Variants in YWHAE observed in about 807,000 individuals in gnomAD.
YWHAE encodes the protein tyrosine 3-monooxygenase/tryptophan 5-monooxygenase activation protein epsilon.
In YWHAE, 4 loss-of-function variants were observed where a neutral mutation model predicts 30.1. That is an observed-to-expected ratio of 0.13 (90% CI 0.07 to 0.30). The LOEUF (loss-of-function observed/expected upper bound fraction) is 0.30, where lower values mean the gene tolerates loss of function less well. Ranked by LOEUF, YWHAE falls within the 10% of genes least tolerant of loss-of-function variation. The pLI, the probability that YWHAE is intolerant of heterozygous loss-of-function variation, is 1.00. For missense variants in YWHAE, 121 were observed against 315.9 expected (o/e 0.38, Z 4.68); for synonymous variants, 118 against 111.8 (o/e 1.06, Z -0.35).
chr17:1,369,425 C>T (rs1052681924), intron 1 of YWHAE, among the ~76,000 whole-genome samples: 6 of 152,126 alleles, frequency 3.9e-5, no homozygotes, highest in Middle Eastern at 3.2e-3. Context: ...ACCCGGGAGG[C>T]GGAGGTTGCA....
At chr17:1,381,910 CAAAAAAAAAAAAA>C (rs397754278) in intron 1 of YWHAE, among the ~76,000 whole-genome samples, 1 of 43,928 alleles carries the variant, frequency 2.3e-5, no homozygotes, top group Non-Finnish European at 4.9e-5. Context: ...GACACTATGT[CAAAAAAAAAAAAA>C]AAAAAAAAAA....
At chr17:1,362,049 G>A in intron 2 of YWHAE, 41 bp from the exon 3 acceptor site, 4 of 1,237,290 alleles carry the variant, frequency 3.2e-6, no homozygotes, top group Non-Finnish European at 4.4e-6. Flanking sequence ...ATTAAGTCTA[G>A]AAATTCTACA....
intron 5 of YWHAE, among the ~76,000 whole-genome samples, chr17:1,348,819 T>C (rs980144069): frequency 1.3e-5 from 2 of 151,802 alleles, no homozygotes; most frequent in African/African-American, 4.8e-5. Context: ...GTTAGGAGAT[T>C]GAGACCATCC....
At chr17:1,350,341 CA>C (rs1316417469) in intron 5 of YWHAE, among the ~76,000 whole-genome samples, 1 of 152,172 alleles carries the variant, frequency 6.6e-6, no homozygotes, top group Non-Finnish European at 1.5e-5. Flanking sequence ...CATAGACTGA[CA>C]GGTAGTCTAC....
chr17:1,383,832 G>A (rs552946001), intron 1 of YWHAE, among the ~76,000 whole-genome samples: 1 of 152,234 alleles, frequency 6.6e-6, no homozygotes, highest in African/African-American at 2.4e-5. Flanking sequence ...AGGCTGAGGT[G>A]GGAAGATTTC....
At chr17:1,376,966 G>A (rs138906704) in intron 1 of YWHAE, among the ~76,000 whole-genome samples, 27 of 143,838 alleles carry the variant, frequency 1.9e-4, no homozygotes, top group Non-Finnish European at 3.2e-4. Flanking sequence ...TAGCTCTGTT[G>A]CCCAGGCTGA....
chr17:1,381,071 A>G (rs1178035186), intron 1 of YWHAE, among the ~76,000 whole-genome samples: 2 of 152,194 alleles, frequency 1.3e-5, no homozygotes, highest in Admixed American at 6.5e-5. Flanking sequence ...CATACATGCT[A>G]AAGAAATACA....
chr17:1,386,189 A>G (rs2073298037), intron 1 of YWHAE, among the ~76,000 whole-genome samples: 1 of 152,200 alleles, frequency 6.6e-6, no homozygotes, highest in Non-Finnish European at 1.5e-5. Flanking sequence ...CATCACAATG[A>G]AACACTTTAA....
At position 1,345,175 on chromosome 17, in the gene YWHAE, T is replaced by C. The variant is rs2150833085; in HGVS notation, c.*272A>G. 2 of 483,088 alleles carry C rather than the reference T, an allele frequency of 4.1e-6. No individual in the cohort carries two copies. 29.9% of individuals were successfully genotyped at this position (483,088 alleles called of 1,614,324 possible). A position where few individuals can be genotyped will look rare whatever the true frequency, so the allele number is the denominator to read the frequency against. On this transcript the variant is annotated 3_prime_UTR_variant, in exon 6 of 6. Coordinates refer to ENST00000264335, the MANE Select transcript of YWHAE (RefSeq NM_006761.5). ...CACATCTGGCACGGAGACGACACAGTAATGCTGAAAAAGCCTCTATGTAGT... is the reference window on the plus strand; with the variant it reads ...CACATCTGGCACGGAGACGACACAGCAATGCTGAAAAAGCCTCTATGTAGT...
At chr17:1,390,221 T>C (rs1478024295) in intron 1 of YWHAE, among the ~76,000 whole-genome samples, 2 of 152,220 alleles carry the variant, frequency 1.3e-5, no homozygotes, top group African/African-American at 2.4e-5. Flanking sequence ...AAGTCTCTTA[T>C]TAATCTAAAA....
chr17:1,355,516 G>A (rs1213017045), intron 4 of YWHAE, among the ~76,000 whole-genome samples: 2 of 151,604 alleles, frequency 1.3e-5, no homozygotes, highest in South Asian at 2.1e-4. Flanking sequence ...TTAATTTCAC[G>A]TTAATGGAGG....
intron 5 of YWHAE, among the ~76,000 whole-genome samples, chr17:1,349,740 G>GT (rs1427207698): frequency 1.3e-5 from 2 of 151,508 alleles, no homozygotes; most frequent in Non-Finnish European, 2.9e-5. Flanking sequence ...AGCCTCCCAA[G>GT]TAAATGGGAC....
chr17:1,381,653 G>C lies in YWHAE; in HGVS notation c.65-16595C>G, dbSNP rs948396838. 5.3e-5 allele frequency among the ~76,000 whole-genome samples: 8 copies of C among 151,694 alleles called. No homozygotes were observed. The South Asian group carries it at 6.3e-4, about 12-fold the overall frequency. On this transcript the variant is annotated intron_variant, in intron 1 of 5. Transcript: ENST00000264335. ...GAGGAAGGCCGAGCGCAAAGGCTCA[G>C]GCCTGTAATCCCAGCACTTTGGGAG...
chr17:1,383,389 CTT>C (rs550620060), intron 1 of YWHAE, among the ~76,000 whole-genome samples: 1,592 of 137,780 alleles, frequency 0.012, 25 homozygotes, highest in African/African-American at 0.04. Context: ...TACTGTTTAA[CTT>C]TTTTTTTTTT....
intron 3 of YWHAE, 38 bp from the exon 4 acceptor site, chr17:1,361,336 T>A: frequency 1.9e-5 from 25 of 1,329,986 alleles, no homozygotes; most frequent in African/African-American, 4.5e-5. Context: ...AAAAAAAATT[T>A]AAACTAGGAA....
intron 5 of YWHAE, chr17:1,352,067 G>A (rs537981537): frequency 6.6e-6 from 1 of 151,966 alleles, no homozygotes; most frequent in East Asian, 1.9e-4. Flanking sequence ...ACAGGCACAA[G>A]CCACTGCAAC....
At chr17:1,388,992 G>A (rs1345151494) in intron 1 of YWHAE, among the ~76,000 whole-genome samples, 12 of 152,066 alleles carry the variant, frequency 7.9e-5, no homozygotes, top group Admixed American at 7.9e-4. Context: ...TTGAGACAGG[G>A]TCTCACTATG....
intron 1 of YWHAE, among the ~76,000 whole-genome samples, chr17:1,369,290 TC>T (rs1269999584): frequency 6.6e-6 from 1 of 152,010 alleles, no homozygotes; most frequent in Non-Finnish European, 1.5e-5. Flanking sequence ...GGTCAGGAGA[TC>T]AAGAACAGCC....
intron 1 of YWHAE, among the ~76,000 whole-genome samples, chr17:1,379,651 T>C (rs899216930): frequency 1.3e-5 from 2 of 152,056 alleles, no homozygotes; most frequent in Non-Finnish European, 2.9e-5. Context: ...AAAAACAAAA[T>C]GCAAGAATAG....
Sources: allele counts gnomAD v4.1 joint callset (sites outside exome capture counted in the v4.1 genomes callset), GRCh38; gene constraint gnomAD v4.1.1; transcripts MANE v1.5; gene names NCBI Gene and HGNC (gene_info 2026-07-23, HGNC 2026-07-21).